Variants in PREX1 observed in about 807,000 individuals in gnomAD.
PREX1 encodes the protein phosphatidylinositol-3,4,5-trisphosphate dependent Rac exchange factor 1.
Under a neutral mutation model 198.3 loss-of-function variants are expected in PREX1, and 41 were observed. The ratio of observed to expected loss-of-function variants is 0.21; its 90% CI spans 0.16 to 0.27. PREX1 has a LOEUF of 0.27. Among genes scored for constraint, PREX1 ranks in the 10% least tolerant of loss-of-function variants. The pLI is 1.00. For synonymous variants in PREX1, 843 were observed against 887.2 expected (o/e 0.95, Z 0.89); for missense variants, 1,620 against 2,200.7 (o/e 0.74, Z 5.28).
At chr20:48,863,468 C>A in the PREX1 span, among the ~76,000 whole-genome samples, 1 of 151,662 alleles carries the variant, frequency 6.6e-6, no homozygotes, top group African/African-American at 2.4e-5. Flanking sequence ...TCCACAAACC[C>A]CTGGCAACCA....
At chr20:48,866,123 A>G in the PREX1 span, among the ~76,000 whole-genome samples, 1 of 152,090 alleles carries the variant, frequency 6.6e-6, no homozygotes, top group African/African-American at 2.4e-5. Flanking sequence ...TAATTATTAA[A>G]GTTTTTGTAG....
the PREX1 span, among the ~76,000 whole-genome samples, chr20:48,855,074 T>C: frequency 6.6e-6 from 1 of 152,176 alleles, no homozygotes; most frequent in Non-Finnish European, 1.5e-5. Context: ...CTTGTTAATA[T>C]GATTATCATA....
intron 1 of PREX1, among the ~76,000 whole-genome samples, chr20:48,803,724 C>T (rs184788875): frequency 1.3e-4 from 19 of 145,010 alleles, no homozygotes; most frequent in Admixed American, 1.2e-3. Context: ...GGCACCTCAC[C>T]CCATCTACAC....
At chr20:48,719,812 C>G (rs920667725) in intron 5 of PREX1, among the ~76,000 whole-genome samples, 1 of 152,094 alleles carries the variant, frequency 6.6e-6, no homozygotes, top group East Asian at 1.9e-4. Context: ...TCCTGACCAC[C>G]CCACGGTCCA....
At chr20:48,736,006 C>A (rs2090055573) in intron 3 of PREX1, among the ~76,000 whole-genome samples, 1 of 152,174 alleles carries the variant, frequency 6.6e-6, no homozygotes. Context: ...TAGAGGGTGA[C>A]CTTGGGCAAG....
At chr20:48,661,444 A>AAAATATAT (rs1555832820) in intron 15 of PREX1, among the ~76,000 whole-genome samples, 36 of 49,586 alleles carry the variant, frequency 7.3e-4, no homozygotes, top group Non-Finnish European at 1.0e-3. Flanking sequence ...AAAAAAAAAA[A>AAAATATAT]ATATATATAT....
chr20:48,852,456 A>G, the PREX1 span, among the ~76,000 whole-genome samples: 26 of 152,194 alleles, frequency 1.7e-4, no homozygotes, highest in African/African-American at 4.3e-4. Context: ...AAAATTATAA[A>G]TGCACCTATC....
chr20:48,819,363 G>A (rs778929961), intron 1 of PREX1, among the ~76,000 whole-genome samples: 23 of 152,126 alleles, frequency 1.5e-4, no homozygotes, highest in Non-Finnish European at 2.8e-4. Flanking sequence ...CCACTGCCTG[G>A]AACACACTTT....
intron 32 of PREX1, among the ~76,000 whole-genome samples, chr20:48,636,062 CG>C (rs978836616): frequency 4.6e-5 from 7 of 152,174 alleles, no homozygotes; most frequent in Admixed American, 1.3e-4. Context: ...AGGTCCTGGC[CG>C]GATGTCCAGC....
At chr20:48,713,872 A>AAAAAAAG (rs1555837405) in intron 5 of PREX1, among the ~76,000 whole-genome samples, 23 of 147,748 alleles carry the variant, frequency 1.6e-4, no homozygotes, top group African/African-American at 3.3e-4. Flanking sequence ...AAAAAAAAAA[A>AAAAAAAG]AAAAGAAAAT....
chr20:48,763,492 G>C (rs544471338), intron 1 of PREX1, among the ~76,000 whole-genome samples: 1 of 152,178 alleles, frequency 6.6e-6, no homozygotes, highest in Non-Finnish European at 1.5e-5. Flanking sequence ...AGTGGAATGC[G>C]GTCTCCTCTC....
chr20:48,786,850 A>AGC (rs1424762614), intron 1 of PREX1, among the ~76,000 whole-genome samples: 1 of 151,564 alleles, frequency 6.6e-6, no homozygotes, highest in African/African-American at 2.4e-5. Flanking sequence ...AAAAAGAGAG[A>AGC]GAGAAAGAGA....
chr20:48,880,980 C>CAAAAAAAAA, the PREX1 span, among the ~76,000 whole-genome samples: 1 of 24,024 alleles, frequency 4.2e-5, no homozygotes, highest in African/African-American at 2.3e-4. Context: ...CAAACCATTG[C>CAAAAAAAAA]TAAAAAAAAA....
intron 7 of PREX1, among the ~76,000 whole-genome samples, chr20:48,698,365 C>T (rs1020541185): frequency 1.3e-5 from 2 of 152,158 alleles, no homozygotes; most frequent in Non-Finnish European, 2.9e-5. Flanking sequence ...CCTAAAGGGA[C>T]GTTCTGTTTT....
rs1601047459 is a variant in PREX1 at position 48,653,452 on chromosome 20, A to C, written c.2255T>G (p.Leu752Arg). The C allele has an allele frequency of 1.9e-6, 3 of 1,613,786 alleles. No individual in the cohort carries two copies. In the East Asian group the frequency reaches 6.7e-5, roughly 36 times the overall value. The change falls in exon 20 of 40, where the codon CTG becomes CGG. Residue 752 changes from leucine to arginine, a missense_variant. Physicochemically the swap from Leu to Arg is moderately radical, Grantham distance 102. Around this residue, in one of 7 missense-constraint regions of PREX1, gnomAD observed 514 missense variants for 611.6 expected, o/e 0.84. Transcript: ENST00000371941. ...CATCACGTTGCTGCCATTGACCTTC[A>C]GAATGCACTGACCAGCACAGAGCCC... ...AAGLCAGQCI[L>R]KVNGSNVMND...
chr20:48,655,462 C>G, intron 18 of PREX1, 87 bp from the exon 19 acceptor site: 2 of 1,189,272 alleles, frequency 1.7e-6, no homozygotes, highest in Non-Finnish European at 2.3e-6. Context: ...CAGAGACTTT[C>G]TGCCTTGGAA....
chr20:48,681,009 A>C (rs928778700), intron 11 of PREX1, among the ~76,000 whole-genome samples: 4 of 152,194 alleles, frequency 2.6e-5, no homozygotes, highest in African/African-American at 9.7e-5. Context: ...GGGACAGATA[A>C]AAGATTCTAC....
At chr20:48,809,753 C>T (rs2090426400) in intron 1 of PREX1, among the ~76,000 whole-genome samples, 1 of 152,170 alleles carries the variant, frequency 6.6e-6, no homozygotes, top group Non-Finnish European at 1.5e-5. Flanking sequence ...AGAAGAGGCC[C>T]AGGCAGGGAC....
Position 48,691,779 on chromosome 20 carries a change from ACT to A in PREX1, c.1037-685_1037-684del, listed in dbSNP as rs1294681604. Among the ~76,000 whole-genome samples the A allele has an allele frequency of 2.6e-5, 4 of 152,326 alleles. No individual in the cohort carries two copies. Among genetic ancestry groups the A allele is most frequent in the Admixed American group, 1.3e-4 (2 of 15,310 alleles). Reference sequence around the variant, plus strand: ...GTGTGAAATGTTCACGTGACGGAACACTCTGCAGCAATGGAAACCAACAGGCT... The same window carrying A: ...GTGTGAAATGTTCACGTGACGGAACACTGCAGCAATGGAAACCAACAGGCT... On this transcript the variant is annotated intron_variant, in intron 8 of 39. Transcript: ENST00000371941. This position sits in a 1 kb window ranked among gnomAD's most constrained non-coding sequence, Gnocchi z 5.0.
Sources: allele counts gnomAD v4.1 joint callset (sites outside exome capture counted in the v4.1 genomes callset), GRCh38; gene constraint gnomAD v4.1.1; regional missense constraint gnomAD v4.1.1; non-coding constraint Gnocchi (gnomAD v3.1); transcripts MANE v1.5; gene names NCBI Gene and HGNC (gene_info 2026-07-23, HGNC 2026-07-21).